Variants in CSGALNACT1 observed in about 807,000 individuals in gnomAD.
CSGALNACT1 encodes the protein chondroitin sulfate N-acetylgalactosaminyltransferase 1.
In CSGALNACT1, 52 loss-of-function variants were observed where a neutral mutation model predicts 51.0. The ratio of observed to expected loss-of-function variants is 1.02; its 90% CI spans 0.82 to 1.29. The LOEUF (loss-of-function observed/expected upper bound fraction) is 1.29, where lower values mean the gene tolerates loss of function less well. Among genes scored for constraint, CSGALNACT1 ranks in the 50% most tolerant of loss-of-function variants. The pLI is 0.00. For missense variants in CSGALNACT1, 935 were observed against 679.2 expected (o/e 1.38, Z -4.19); for synonymous variants, 341 against 254.4 (o/e 1.34, Z -3.24).
intron 6 of CSGALNACT1, among the ~76,000 whole-genome samples, chr8:19,430,938 A>T: frequency 1.3e-5 from 2 of 152,094 alleles, no homozygotes; most frequent in South Asian, 4.1e-4. Flanking sequence ...AACCTTTTTT[A>T]TATTACTATG....
chr8:19,611,958 C>T (rs565977043), intron 1 of CSGALNACT1, among the ~76,000 whole-genome samples: 2 of 151,966 alleles, frequency 1.3e-5, no homozygotes, highest in African/African-American at 4.8e-5. Flanking sequence ...AGGATTTGAA[C>T]TAATTGATTA....
chr8:19,406,100 A>T, intron 9 of CSGALNACT1, 31 bp from the exon 9 acceptor site: 1 of 1,613,386 alleles, frequency 6.2e-7, no homozygotes, highest in Non-Finnish European at 8.5e-7. Context: ...GTTGAATCAC[A>T]CTGCACTGAT....
At chr8:19,661,959 G>T (rs942734228) in intron 1 of CSGALNACT1, among the ~76,000 whole-genome samples, 5 of 151,346 alleles carry the variant, frequency 3.3e-5, no homozygotes, top group Non-Finnish European at 7.4e-5. Flanking sequence ...TATTTCCATA[G>T]CAGTCATTCC....
At chr8:19,571,078 C>G (rs539323806) in intron 3 of CSGALNACT1, among the ~76,000 whole-genome samples, 4 of 152,116 alleles carry the variant, frequency 2.6e-5, no homozygotes, top group Non-Finnish European at 5.9e-5. Context: ...CTCAGGTGAT[C>G]TCCCACCTCA....
At chr8:19,599,807 G>A (rs2050005276) in intron 2 of CSGALNACT1, among the ~76,000 whole-genome samples, 1 of 152,164 alleles carries the variant, frequency 6.6e-6, no homozygotes, top group African/African-American at 2.4e-5. Flanking sequence ...TTCAGCAGCA[G>A]AACTTCACCA....
At chr8:19,680,072 T>C (rs1380638358) in intron 1 of CSGALNACT1, among the ~76,000 whole-genome samples, 3 of 152,160 alleles carry the variant, frequency 2.0e-5, no homozygotes, top group Non-Finnish European at 4.4e-5. Flanking sequence ...AAATTGGAAA[T>C]ATACTTCCCC....
At chr8:19,433,452 C>T (rs11780343) in intron 6 of CSGALNACT1, among the ~76,000 whole-genome samples, 70,085 of 152,040 alleles carry the variant, frequency 0.46, 17,687 homozygotes, top group East Asian at 0.83. Flanking sequence ...TCTAATCTCC[C>T]AGTATTTCCT....
intron 1 of CSGALNACT1, among the ~76,000 whole-genome samples, chr8:19,704,632 C>G (rs947404643): frequency 6.6e-6 from 1 of 152,136 alleles, no homozygotes; most frequent in African/African-American, 2.4e-5. Context: ...ATTTTCACTG[C>G]AGCATTATTC....
At chr8:19,458,036 T>C (rs1003338616) in intron 5 of CSGALNACT1, among the ~76,000 whole-genome samples, 37 of 152,276 alleles carry the variant, frequency 2.4e-4, no homozygotes, top group Non-Finnish European at 4.1e-4. Flanking sequence ...ACTGTCAACG[T>C]GGGCTCTGCC....
chr8:19,655,407 C>T (rs1433040644), intron 1 of CSGALNACT1, among the ~76,000 whole-genome samples: 2 of 152,078 alleles, frequency 1.3e-5, no homozygotes, highest in African/African-American at 4.8e-5. Flanking sequence ...GTTGTGCAGG[C>T]TGGAGTGCAG....
At chr8:19,601,889 G>A (rs1268416822) in intron 1 of CSGALNACT1, 24 bp from the exon 2 acceptor site, 1 of 453,738 alleles carries the variant, frequency 2.2e-6, no homozygotes. Flanking sequence ...AAAACAAAAG[G>A]CAACCCTTGT....
At chr8:19,508,524 T>C (rs1041434381) in intron 3 of CSGALNACT1, among the ~76,000 whole-genome samples, 8 of 152,250 alleles carry the variant, frequency 5.3e-5, no homozygotes, top group African/African-American at 1.4e-4. Flanking sequence ...AATTCTGTGA[T>C]TGAAAACAGC....
upstream of CSGALNACT1, among the ~76,000 whole-genome samples, chr8:19,606,517 A>C (rs1405798142): frequency 6.6e-6 from 1 of 152,232 alleles, no homozygotes; most frequent in African/African-American, 2.4e-5. Context: ...TGCAAATAGT[A>C]TGTTTTAGAA....
intron 1 of CSGALNACT1, among the ~76,000 whole-genome samples, chr8:19,610,863 C>G (rs748985395): frequency 1.3e-5 from 2 of 152,246 alleles, no homozygotes; most frequent in Admixed American, 6.5e-5. Context: ...AGCAGGTTAA[C>G]ACAAGCCGCC....
At chr8:19,735,473 C>T (rs914527725) in intron 1 of CSGALNACT1, among the ~76,000 whole-genome samples, 3 of 151,706 alleles carry the variant, frequency 2.0e-5, no homozygotes, top group Non-Finnish European at 4.4e-5. Context: ...ATCAAAATAC[C>T]ACAAAATTCT....
intron 3 of CSGALNACT1, among the ~76,000 whole-genome samples, chr8:19,568,236 G>A (rs1399911664): frequency 6.6e-6 from 1 of 152,128 alleles, no homozygotes; most frequent in Non-Finnish European, 1.5e-5. Context: ...ATACACCTAG[G>A]CTATATGGTA....
chr8:19,698,521 T>C (rs2061693203), intron 1 of CSGALNACT1, among the ~76,000 whole-genome samples: 2 of 152,234 alleles, frequency 1.3e-5, no homozygotes, highest in South Asian at 4.1e-4. Context: ...CAGGCTAAGG[T>C]AACTTGCCCA....
intron 3 of CSGALNACT1, among the ~76,000 whole-genome samples, chr8:19,577,116 C>T (rs945316573): frequency 6.6e-6 from 1 of 152,154 alleles, no homozygotes; most frequent in African/African-American, 2.4e-5. Flanking sequence ...AAGATCTCCT[C>T]TTATGTGTCG....
At chr8:19,563,053 T>A (rs1337388893) in intron 3 of CSGALNACT1, among the ~76,000 whole-genome samples, 1 of 152,020 alleles carries the variant, frequency 6.6e-6, no homozygotes, top group Non-Finnish European at 1.5e-5. Context: ...ATAGACTGGA[T>A]AAAGAAAATG....
Sources: gnomAD v4.1 joint callset for allele counts (sites outside exome capture counted in the v4.1 genomes callset) on GRCh38, gnomAD v4.1.1 for gene constraint, MANE v1.5 for transcripts, NCBI Gene and HGNC (gene_info 2026-07-23, HGNC 2026-07-21) for gene names.